NEGR1: variants seen among roughly 807,000 people sequenced by gnomAD.
The protein encoded by NEGR1 is neuronal growth regulator 1.
Under a neutral mutation model 40.9 loss-of-function variants are expected in NEGR1, and 10 were observed. The ratio of observed to expected loss-of-function variants is 0.24; its 90% CI spans 0.15 to 0.42. The LOEUF (loss-of-function observed/expected upper bound fraction) is 0.42. Among genes scored for constraint, NEGR1 ranks in the 10% least tolerant of loss-of-function variants. The pLI is 1.00. For synonymous variants in NEGR1, 185 were observed against 166.8 expected, an observed-to-expected ratio of 1.11 and a Z score of -0.84; for missense variants, 352 against 438.9, an observed-to-expected ratio of 0.80 and a Z score of 1.77.
intron 2 of NEGR1, among the ~76,000 whole-genome samples, chr1:71,862,119 T>C (rs631503): frequency 0.036 from 5,490 of 152,220 alleles, 191 homozygotes; most frequent in African/African-American, 0.086. Flanking sequence ...ATGTGAATAG[T>C]AATCATCTTT....
chr1:72,045,104 C>T (rs1646989288), intron 1 of NEGR1, among the ~76,000 whole-genome samples: 1 of 151,662 alleles, frequency 6.6e-6, no homozygotes, highest in Non-Finnish European at 1.5e-5. Flanking sequence ...TTGACCTCAC[C>T]CACATAACAT....
intron 1 of NEGR1, among the ~76,000 whole-genome samples, chr1:72,174,685 T>C (rs1475268062): frequency 6.6e-6 from 1 of 152,092 alleles, no homozygotes; most frequent in African/African-American, 2.4e-5. Context: ...CATTACTCTT[T>C]CCAAATAATG....
chr1:71,957,091 C>A (rs1222832295), intron 1 of NEGR1, among the ~76,000 whole-genome samples: 2 of 152,066 alleles, frequency 1.3e-5, no homozygotes, highest in Admixed American at 6.6e-5. Flanking sequence ...CAAGTATTCC[C>A]AAATTTATGT....
At chr1:71,750,080 G>A (rs1442705437) in intron 3 of NEGR1, among the ~76,000 whole-genome samples, 1 of 149,084 alleles carries the variant, frequency 6.7e-6, no homozygotes, top group African/African-American at 2.5e-5. Context: ...TGCAAGCTCC[G>A]CTTCCCAGGT....
At chr1:72,088,927 A>T (rs1052887272) in intron 1 of NEGR1, among the ~76,000 whole-genome samples, 1 of 149,552 alleles carries the variant, frequency 6.7e-6, no homozygotes, top group Non-Finnish European at 1.5e-5. Flanking sequence ...GTCCCTTCTC[A>T]GTGTCCCAAA....
intron 4 of NEGR1, among the ~76,000 whole-genome samples, chr1:71,629,347 T>C (rs1318815945): frequency 2.0e-5 from 3 of 152,082 alleles, no homozygotes; most frequent in Non-Finnish European, 4.4e-5. Flanking sequence ...TTTCATGATA[T>C]TGATTCTTCC....
intron 1 of NEGR1, among the ~76,000 whole-genome samples, chr1:71,966,858 C>A (rs1028445345): frequency 2.0e-5 from 3 of 152,200 alleles, no homozygotes; most frequent in Admixed American, 6.5e-5. Context: ...CGGTTTGAGA[C>A]TCTAGAAAAG....
intron 6 of NEGR1, among the ~76,000 whole-genome samples, chr1:71,513,354 C>T (rs1047089007): frequency 2.6e-5 from 4 of 152,040 alleles, no homozygotes; most frequent in African/African-American, 9.7e-5. Context: ...GAGAATCTGC[C>T]ATTATTTAGG....
chr1:71,468,593 A>T (rs892649939), intron 6 of NEGR1: 5 of 152,038 alleles, frequency 3.3e-5, no homozygotes, highest in African/African-American at 1.2e-4. Flanking sequence ...CAGAGCCATA[A>T]AACAGATCTA....
intron 1 of NEGR1, among the ~76,000 whole-genome samples, chr1:72,204,244 C>A (rs924083643): frequency 6.6e-6 from 1 of 151,980 alleles, no homozygotes; most frequent in African/African-American, 2.4e-5. Context: ...AAAGATTATT[C>A]AATTGGTTCC....
In NEGR1 at chr1:71,484,491, G is replaced by A. The variant is rs115602462; in HGVS notation, c.941-76921C>T. ...TATAATGCTTCTACATCTTTAAAAAGCCAATATCATAAATGAGATTATCCC... is the reference window on the plus strand; with the variant it reads ...TATAATGCTTCTACATCTTTAAAAAACCAATATCATAAATGAGATTATCCC... On this transcript the variant is annotated intron_variant, in intron 6 of 6. Coordinates refer to ENST00000357731, the MANE Select transcript of NEGR1 (RefSeq NM_173808.3). Among the ~76,000 whole-genome samples, 1,422 of 151,736 alleles carry A rather than the reference G, an allele frequency of 9.4e-3. 22 individuals are homozygous for A. Among genetic ancestry groups the A allele is most frequent in the African/African-American group, 0.032 (1,340 of 41,430 alleles).
At chr1:72,119,356 T>C (rs1649709444) in intron 1 of NEGR1, among the ~76,000 whole-genome samples, 1 of 151,914 alleles carries the variant, frequency 6.6e-6, no homozygotes, top group Non-Finnish European at 1.5e-5. Context: ...GCTTTTTCTT[T>C]TGTTTCTAAT....
At chr1:71,984,517 T>TTAACA (rs1646379202) in intron 1 of NEGR1, among the ~76,000 whole-genome samples, 2 of 152,158 alleles carry the variant, frequency 1.3e-5, no homozygotes, top group Non-Finnish European at 2.9e-5. Context: ...AACAATAAAA[T>TTAACA]TAAAATTTGT....
In NEGR1 at chr1:71,864,774, A is replaced by G. The variant is rs1354384827; in HGVS notation, c.409+70305T>C. Among the ~76,000 whole-genome samples the G allele has an allele frequency of 2.6e-5, 4 of 152,178 alleles. No individual in the cohort carries two copies. The East Asian group carries it at 7.7e-4, about 29-fold the overall frequency. The stretch of plus-strand genomic sequence containing the variant: ...AAAACATCAAAAACACAAACAGAAG[A>G]ACTCAATTAAAGCAGAAAAGTTCTC... On this transcript the variant is annotated intron_variant, in intron 2 of 6. Transcript: ENST00000357731.
At chr1:71,779,516 T>C (rs1476652837) in intron 2 of NEGR1, among the ~76,000 whole-genome samples, 1 of 152,186 alleles carries the variant, frequency 6.6e-6, no homozygotes, top group African/African-American at 2.4e-5. Context: ...TTATGTAGAA[T>C]AGTTTACGCA....
At chr1:71,766,911 G>A (rs1656152883) in intron 3 of NEGR1, among the ~76,000 whole-genome samples, 1 of 152,144 alleles carries the variant, frequency 6.6e-6, no homozygotes, top group African/African-American at 2.4e-5. Flanking sequence ...CTTGTAACAT[G>A]TGCTGGCTTT....
At chr1:72,022,479 T>C (rs1178767070) in intron 1 of NEGR1, among the ~76,000 whole-genome samples, 4 of 149,590 alleles carry the variant, frequency 2.7e-5, no homozygotes, top group South Asian at 2.1e-4. Context: ...ATAAAAAGCA[T>C]AGTAAACCAA....
intron 2 of NEGR1, among the ~76,000 whole-genome samples, chr1:71,831,970 C>T (rs368714363): frequency 1.3e-5 from 2 of 151,542 alleles, no homozygotes; most frequent in East Asian, 2.0e-4. Context: ...GGGTTTTGAA[C>T]GGGGAGTAAC....
intron 1 of NEGR1, among the ~76,000 whole-genome samples, chr1:72,250,454 G>A (rs1292839727): frequency 1.3e-5 from 2 of 152,132 alleles, no homozygotes; most frequent in Non-Finnish European, 2.9e-5. Context: ...GTTTGTAAAT[G>A]CAGCTGCTAA....
Sources: gnomAD v4.1 joint callset for allele counts (sites outside exome capture counted in the v4.1 genomes callset) on GRCh38, gnomAD v4.1.1 for gene constraint, MANE v1.5 for transcripts, NCBI Gene and HGNC (gene_info 2026-07-23, HGNC 2026-07-21) for gene names.